The following SLX4IP variants were observed in gnomAD, a reference collection of about 807,000 sequenced individuals.
The protein encoded by SLX4IP is SLX4 interacting protein, also known as protein SLX4IP.
In SLX4IP, 34 loss-of-function variants were observed where a neutral mutation model predicts 32.9. The ratio of observed to expected loss-of-function variants is 1.03; its 90% CI spans 0.79 to 1.38. The LOEUF is 1.38. SLX4IP is among the 40% of genes most tolerant of loss of function. The pLI, the probability that SLX4IP is intolerant of heterozygous loss-of-function variation, is 0.00. For missense variants in SLX4IP, 444 were observed against 479.0 expected, an observed-to-expected ratio of 0.93 and a Z score of 0.68; for synonymous variants, 172 against 171.7, an observed-to-expected ratio of 1.00 and a Z score of -0.01.
intron 6 of SLX4IP, among the ~76,000 whole-genome samples, chr20:10,620,178 G>C (rs1419038356): frequency 3.9e-5 from 6 of 152,182 alleles, no homozygotes; most frequent in African/African-American, 1.2e-4. Context: ...TACTAAAGCT[G>C]TTTCTGGTGG....
At chr20:10,526,906 C>T (rs57005239) in intron 2 of SLX4IP, among the ~76,000 whole-genome samples, 31,258 of 152,048 alleles carry the variant, frequency 0.21, 3,312 homozygotes, top group South Asian at 0.38. Flanking sequence ...GAGCCAAGAT[C>T]GCACCACTGC....
intron 6 of SLX4IP, chr20:10,613,974 C>T (rs1568773038): frequency 1.7e-6 from 2 of 1,178,100 alleles, no homozygotes; most frequent in Non-Finnish European, 2.5e-6. Flanking sequence ...GTCCACCGTT[C>T]CCTGCTCATC....
chr20:10,603,666 A>G (rs2066869438), intron 6 of SLX4IP, among the ~76,000 whole-genome samples: 1 of 151,888 alleles, frequency 6.6e-6, no homozygotes, highest in African/African-American at 2.4e-5. Context: ...TTTCCCAGCC[A>G]CATATGTCAG....
At chr20:10,556,137 C>T in intron 2 of SLX4IP, 94 bp from the exon 3 acceptor site, 1 of 1,153,438 alleles carries the variant, frequency 8.7e-7, no homozygotes, top group South Asian at 1.5e-5. Context: ...GCCATTTCAT[C>T]ATGAGCAACC....
intron 2 of SLX4IP, among the ~76,000 whole-genome samples, chr20:10,485,228 T>C (rs2065561602): frequency 6.6e-6 from 1 of 152,146 alleles, no homozygotes; most frequent in Non-Finnish European, 1.5e-5. Flanking sequence ...GTATCTCTTA[T>C]GTGCAAGATG....
At chr20:10,447,788 A>C (rs1568685087) in intron 1 of SLX4IP, among the ~76,000 whole-genome samples, 2 of 151,450 alleles carry the variant, frequency 1.3e-5, no homozygotes, top group Non-Finnish European at 2.9e-5. Context: ...GCAGCCTTGA[A>C]CTCCTGGGCT....
At chr20:10,490,369 G>A (rs913852786) in intron 2 of SLX4IP, among the ~76,000 whole-genome samples, 2 of 152,058 alleles carry the variant, frequency 1.3e-5, no homozygotes, top group African/African-American at 4.8e-5. Flanking sequence ...TTAGAGCAGT[G>A]GTAACAAAGA....
intron 3 of SLX4IP, among the ~76,000 whole-genome samples, chr20:10,559,572 A>C (rs2066308340): frequency 6.6e-6 from 1 of 152,162 alleles, no homozygotes; most frequent in African/African-American, 2.4e-5. Context: ...CTAAATTAAG[A>C]AATTTAGATT....
At chr20:10,530,938 A>T (rs6040010) in intron 2 of SLX4IP, among the ~76,000 whole-genome samples, 89,832 of 152,080 alleles carry the variant, frequency 0.59, 26,925 homozygotes, top group South Asian at 0.75. Flanking sequence ...AGAGAGTACC[A>T]CAGTGGTGTA....
chr20:10,470,623 G>A (rs903801005), intron 2 of SLX4IP, among the ~76,000 whole-genome samples: 1 of 152,108 alleles, frequency 6.6e-6, no homozygotes, highest in Non-Finnish European at 1.5e-5. Context: ...TATATTTTGC[G>A]AGTTTAATAT....
intron 2 of SLX4IP, among the ~76,000 whole-genome samples, chr20:10,523,938 G>A (rs2065920457): frequency 6.6e-6 from 1 of 152,240 alleles, no homozygotes; most frequent in Admixed American, 6.5e-5. Flanking sequence ...AAATGAATTG[G>A]TAGGAGGAGG....
intron 4 of SLX4IP, among the ~76,000 whole-genome samples, chr20:10,579,646 G>T (rs552937765): frequency 3.6e-4 from 55 of 152,086 alleles, no homozygotes; most frequent in African/African-American, 1.1e-3. Context: ...AGCTGGTCTC[G>T]AACTCCTGAC....
intron 4 of SLX4IP, among the ~76,000 whole-genome samples, chr20:10,562,751 A>G (rs910875157): frequency 2.6e-5 from 4 of 151,926 alleles, no homozygotes; most frequent in Non-Finnish European, 4.4e-5. Flanking sequence ...ATTTTTTTGT[A>G]TATATTGCTG....
intron 4 of SLX4IP, among the ~76,000 whole-genome samples, chr20:10,561,921 T>C (rs1354035993): frequency 6.6e-6 from 1 of 152,206 alleles, no homozygotes; most frequent in African/African-American, 2.4e-5. Context: ...CGTGTTGCTA[T>C]TGAAACAGGA....
chr20:10,617,558 C>T (rs1457636855), intron 6 of SLX4IP, among the ~76,000 whole-genome samples: 1 of 152,006 alleles, frequency 6.6e-6, no homozygotes, highest in Admixed American at 6.6e-5. Flanking sequence ...GGGGTGACTC[C>T]TTGGTTTATC....
chr20:10,462,001 A>G (rs2065342055), intron 2 of SLX4IP, among the ~76,000 whole-genome samples: 1 of 152,154 alleles, frequency 6.6e-6, no homozygotes, highest in African/African-American at 2.4e-5. Context: ...AAAGGAAGGT[A>G]TTACATATAA....
At chr20:10,587,765 A>G (rs1203740221) in intron 4 of SLX4IP, among the ~76,000 whole-genome samples, 1 of 152,198 alleles carries the variant, frequency 6.6e-6, no homozygotes, top group Non-Finnish European at 1.5e-5. Context: ...AGTCTCTTCA[A>G]TAAATGGTTC....
At chr20:10,614,224 A>G (rs1164934709) in intron 6 of SLX4IP, 3 of 646,200 alleles carry the variant, frequency 4.6e-6, no homozygotes, top group African/African-American at 3.7e-5. Flanking sequence ...AATCAGAAGA[A>G]ACTCATGTAC....
intron 1 of SLX4IP, among the ~76,000 whole-genome samples, chr20:10,445,755 G>C (rs1395027739): frequency 6.6e-6 from 1 of 151,446 alleles, no homozygotes; most frequent in Non-Finnish European, 1.5e-5. Flanking sequence ...CTCCTGAGTA[G>C]CTGGGACTAC....
Sources: allele counts gnomAD v4.1 joint callset (sites outside exome capture counted in the v4.1 genomes callset), GRCh38; gene constraint gnomAD v4.1.1; transcripts MANE v1.5; gene names NCBI Gene and HGNC (gene_info 2026-07-23, HGNC 2026-07-21).